KLHDC10: variants seen among roughly 807,000 people sequenced by gnomAD.
The protein encoded by KLHDC10 is kelch domain-containing protein 10.
In KLHDC10, 24 loss-of-function variants were observed where a neutral mutation model predicts 56.1. That is an observed-to-expected ratio of 0.43 (90% CI 0.31 to 0.60). The LOEUF (loss-of-function observed/expected upper bound fraction) is 0.60, where lower values mean the gene tolerates loss of function less well. Among genes scored for constraint, KLHDC10 ranks in the 20% least tolerant of loss-of-function variants. The probability of loss-of-function intolerance (pLI) is 0.11; values close to 1 mark genes in which losing one functional copy is unlikely to be tolerated. For missense variants in KLHDC10, 349 were observed against 567.0 expected (o/e 0.62, Z 3.91); for synonymous variants, 188 against 207.1 (o/e 0.91, Z 0.79).
chr7:130,124,866 G>T (rs1221465815), intron 6 of KLHDC10, among the ~76,000 whole-genome samples: 1 of 152,152 alleles, frequency 6.6e-6, no homozygotes, highest in East Asian at 1.9e-4. Flanking sequence ...TGTCACATCC[G>T]CATCATCATC....
chr7:130,083,115 T>TA (rs1795631637), intron 1 of KLHDC10, among the ~76,000 whole-genome samples: 1 of 152,224 alleles, frequency 6.6e-6, no homozygotes, highest in Admixed American at 6.5e-5. Context: ...CCAACTGACT[T>TA]ATGAGTACCT....
At chr7:130,071,722 G>T (rs968061250) in intron 1 of KLHDC10, among the ~76,000 whole-genome samples, 9 of 152,112 alleles carry the variant, frequency 5.9e-5, no homozygotes, top group Non-Finnish European at 1.3e-4. Context: ...GAACTATCAG[G>T]AATGATGTGT....
At chr7:130,070,901 A>T (rs1795399366) in intron 1 of KLHDC10, 92 bp downstream of exon 1, 2 of 925,946 alleles carry the variant, frequency 2.2e-6, no homozygotes, top group East Asian at 3.0e-5. Context: ...CCTTGGGAGG[A>T]GGAAAGGCAG....
chr7:130,118,174 CA>C (rs1346762378), intron 3 of KLHDC10, among the ~76,000 whole-genome samples: 5 of 151,402 alleles, frequency 3.3e-5, no homozygotes, highest in Non-Finnish European at 7.4e-5. Flanking sequence ...GACTCCGTTT[CA>C]AAAAAAATAA....
In KLHDC10 at chr7:130,135,354, G is replaced by A. The variant is rs959132668; in HGVS notation, c.*4608G>A. ...CCCTGGAAAAGCACCTGCCAATGAC[G>A]AATTTCATGGAAGAACCTAGGCAAG... is the stretch of plus-strand genomic sequence containing the variant. On this transcript the variant is annotated 3_prime_UTR_variant, in exon 10 of 10. Coordinates refer to ENST00000335420, the MANE Select transcript of KLHDC10 (RefSeq NM_014997.4). 1.3e-5 allele frequency: 2 copies of A among 154,322 alleles called. No homozygotes were observed. The highest frequency in any genetic ancestry group is 5.1e-4 in the Middle Eastern group (1 of 1,948). 9.6% of individuals were successfully genotyped at this position (154,322 alleles called of 1,614,324 possible).
chr7:130,097,736 C>T (rs562390302), intron 2 of KLHDC10, among the ~76,000 whole-genome samples: 197 of 152,264 alleles, frequency 1.3e-3, no homozygotes, highest in African/African-American at 4.4e-3. Flanking sequence ...AAATTTTATA[C>T]AGCTTTTCTG....
In KLHDC10 at chr7:130,097,811, T is replaced by C. The variant is rs539022972; in HGVS notation, c.253+804T>C. Among the ~76,000 whole-genome samples the C allele has an allele frequency of 1.4e-4, 22 of 152,306 alleles. No homozygotes were observed. In the South Asian group the frequency reaches 4.4e-3, roughly 30 times the overall value. ...TTCATACCCTTTGACCTAGCAGTTT[T>C]TACTTTTAGAAATGTTGCATTCCTT... On this transcript the variant is annotated intron_variant, in intron 2 of 9. Transcript: ENST00000335420.
intron 2 of KLHDC10, among the ~76,000 whole-genome samples, chr7:130,101,427 T>G (rs1795927236): frequency 6.6e-6 from 1 of 152,080 alleles, no homozygotes; most frequent in Non-Finnish European, 1.5e-5. Flanking sequence ...GTAGGGCTCT[T>G]TTCTTAAACT....
At chr7:130,090,651 C>T (rs1016089903) in intron 1 of KLHDC10, among the ~76,000 whole-genome samples, 1 of 151,756 alleles carries the variant, frequency 6.6e-6, no homozygotes, top group Non-Finnish European at 1.5e-5. Context: ...TACCCTTCCC[C>T]AGGCAATTTC....
In KLHDC10 at chr7:130,093,341, A is replaced by G. The variant is rs566323895; in HGVS notation, c.167-3580A>G. ...TGCCCTCAAGCAGTTCTCCTGCCTC[A>G]GCCTCCCGAGTAGCCAGGACTACAG... On this transcript the variant is annotated intron_variant, in intron 1 of 9. Coordinates refer to ENST00000335420, the MANE Select transcript of KLHDC10 (RefSeq NM_014997.4). Among the ~76,000 whole-genome samples the G allele has an allele frequency of 4.9e-4, 75 of 152,150 alleles. 2 individuals carry two copies. The South Asian group carries it at 0.015, about 30-fold the overall frequency.
chr7:130,091,103 G>T (rs1056207416), intron 1 of KLHDC10, among the ~76,000 whole-genome samples: 14 of 152,040 alleles, frequency 9.2e-5, no homozygotes, highest in African/African-American at 3.1e-4. Flanking sequence ...CATTGGGATT[G>T]CTTCCATGTT....
chr7:130,133,017 A>T lies in KLHDC10; in HGVS notation c.*2271A>T, dbSNP rs1206749484. 1 of 152,236 alleles carries T rather than the reference A, an allele frequency of 6.6e-6. No homozygotes were observed. Among genetic ancestry groups the T allele is most frequent in the Non-Finnish European group, 1.5e-5 (1 of 68,048 alleles). 9.4% of individuals were successfully genotyped at this position (152,236 alleles called of 1,614,324 possible). ...AGCCTTCTGAGGGCAGTCTTCTTTG[A>T]GGTAGACCTTGGAGGCCTGACATCG... On this transcript the variant is annotated 3_prime_UTR_variant, in exon 10 of 10. Transcript: ENST00000335420.
intron 6 of KLHDC10, 66 bp from the exon 7 acceptor site, chr7:130,125,799 C>T: frequency 7.9e-7 from 1 of 1,260,008 alleles, no homozygotes; most frequent in South Asian, 1.4e-5. Flanking sequence ...TTTAAAAAAT[C>T]CTTTTTCAGG....
intron 2 of KLHDC10, among the ~76,000 whole-genome samples, chr7:130,107,868 G>A (rs1356766509): frequency 1.4e-3 from 56 of 40,718 alleles, no homozygotes; most frequent in South Asian, 2.4e-3. Context: ...AAAAAAAAAA[G>A]AGCCGGACGC....
intron 2 of KLHDC10, among the ~76,000 whole-genome samples, chr7:130,108,773 C>A (rs977195609): frequency 2.6e-4 from 40 of 151,592 alleles, no homozygotes; most frequent in Non-Finnish European, 4.9e-4. Context: ...CTCCTGTATC[C>A]TTTACCCAGA....
intron 1 of KLHDC10, 107 bp downstream of exon 1, chr7:130,070,916 C>T (rs965031826): frequency 5.7e-5 from 42 of 741,956 alleles, no homozygotes; most frequent in Non-Finnish European, 7.6e-5. Context: ...AGGCAGGCCC[C>T]ACGCATAGCA....
intron 2 of KLHDC10, among the ~76,000 whole-genome samples, chr7:130,113,369 G>C (rs957426855): frequency 7.5e-5 from 11 of 146,654 alleles, no homozygotes; most frequent in African/African-American, 2.8e-4. Flanking sequence ...TTTTGCTCTT[G>C]TCACCCAGGC....
chr7:130,109,726 CCT>C (rs1226473379), intron 2 of KLHDC10, among the ~76,000 whole-genome samples: 5 of 152,154 alleles, frequency 3.3e-5, no homozygotes, highest in Admixed American at 6.6e-5. Flanking sequence ...GCAACTTCCA[CCT>C]CTCAGTTTCA....
chr7:130,115,967 T>G (rs1796161792), intron 2 of KLHDC10, among the ~76,000 whole-genome samples: 1 of 152,128 alleles, frequency 6.6e-6, no homozygotes, highest in Non-Finnish European at 1.5e-5. Context: ...AATCATAGAT[T>G]TTGTGTGTGT....
Sources: gnomAD v4.1 joint callset for allele counts (sites outside exome capture counted in the v4.1 genomes callset) on GRCh38, gnomAD v4.1.1 for gene constraint, MANE v1.5 for transcripts, NCBI Gene and HGNC (gene_info 2026-07-23, HGNC 2026-07-21) for gene names.